PTPN14: variants seen among roughly 807,000 people sequenced by gnomAD.
PTPN14 encodes protein tyrosine phosphatase non-receptor type 14.
PTPN14 carries 53 observed loss-of-function variants against 126.8 expected under a neutral mutation model. That is an observed-to-expected ratio of 0.42 (90% CI 0.34 to 0.53). PTPN14 has a LOEUF of 0.53. Ranked by LOEUF, PTPN14 falls within the 20% of genes least tolerant of loss-of-function variation. PTPN14 has a pLI of 0.08. For missense variants in PTPN14, 1,257 were observed against 1,552.9 expected (o/e 0.81, Z 3.20); for synonymous variants, 630 against 599.3 (o/e 1.05, Z -0.75).
At chr1:214,521,798 A>G (rs1655263262) in intron 1 of PTPN14, among the ~76,000 whole-genome samples, 2 of 152,088 alleles carry the variant, frequency 1.3e-5, no homozygotes, top group South Asian at 4.1e-4. Flanking sequence ...GTAGGAAAAT[A>G]CGCAGTTAGG....
At chr1:214,526,246 G>A (rs374404437) in intron 1 of PTPN14, among the ~76,000 whole-genome samples, 34 of 152,252 alleles carry the variant, frequency 2.2e-4, no homozygotes, top group South Asian at 6.2e-4. Flanking sequence ...GATTACAGGC[G>A]TGAGCCACCA....
intron 1 of PTPN14, among the ~76,000 whole-genome samples, chr1:214,515,019 C>A (rs550672632): frequency 1.3e-5 from 2 of 152,254 alleles, no homozygotes; most frequent in East Asian, 1.9e-4. Context: ...CTGCCGTGAC[C>A]GAGCAGGACT....
At chr1:214,546,369 C>A (rs1241754972) in intron 1 of PTPN14, among the ~76,000 whole-genome samples, 2 of 152,122 alleles carry the variant, frequency 1.3e-5, no homozygotes. Context: ...AACAAATTAA[C>A]CCCCAGAGGT....
chr1:214,371,059 G>A (rs1455832684), intron 16 of PTPN14, among the ~76,000 whole-genome samples: 2 of 152,056 alleles, frequency 1.3e-5, no homozygotes, highest in Non-Finnish European at 2.9e-5. Flanking sequence ...TTTCTGCTGA[G>A]TGTCTAAATC....
intron 3 of PTPN14, among the ~76,000 whole-genome samples, chr1:214,421,672 C>T (rs17022892): frequency 0.012 from 1,859 of 152,234 alleles, 48 homozygotes; most frequent in African/African-American, 0.042. Flanking sequence ...AGGCTCTTCA[C>T]GATCCAGTCA....
intron 17 of PTPN14, among the ~76,000 whole-genome samples, chr1:214,368,541 A>G (rs1380572598): frequency 2.0e-5 from 3 of 152,150 alleles, no homozygotes; most frequent in South Asian, 2.1e-4. Flanking sequence ...AAAATGTGCT[A>G]AAGTGGACAC....
At chr1:214,452,655 G>A (rs553421414) in intron 2 of PTPN14, among the ~76,000 whole-genome samples, 6 of 152,276 alleles carry the variant, frequency 3.9e-5, no homozygotes, top group Admixed American at 1.3e-4. Flanking sequence ...TTTGTTAGAT[G>A]AAAGTGAGAT....
chr1:214,424,507 T>C (rs998134644), intron 3 of PTPN14, among the ~76,000 whole-genome samples: 5 of 151,560 alleles, frequency 3.3e-5, no homozygotes, highest in African/African-American at 7.3e-5. Context: ...GGTGAGACAA[T>C]TGAGTGGGAC....
At chr1:214,419,853 A>G (rs1406244536) in intron 3 of PTPN14, among the ~76,000 whole-genome samples, 1 of 152,168 alleles carries the variant, frequency 6.6e-6, no homozygotes, top group African/African-American at 2.4e-5. Context: ...GATAAAGGAC[A>G]GGGTGGCCCA....
chr1:214,421,738 C>T (rs1311658445), intron 3 of PTPN14, among the ~76,000 whole-genome samples: 6 of 152,142 alleles, frequency 3.9e-5, no homozygotes, highest in Admixed American at 3.9e-4. Flanking sequence ...CCTGAGCTGT[C>T]GTAAGTGTGC....
chr1:214,524,377 C>T (rs182721869), intron 1 of PTPN14, among the ~76,000 whole-genome samples: 9 of 151,516 alleles, frequency 5.9e-5, no homozygotes, highest in South Asian at 4.3e-4. Flanking sequence ...GAGGGCTGGG[C>T]GTGGTGGCTC....
chr1:214,538,161 A>G (rs1468904229), intron 1 of PTPN14, among the ~76,000 whole-genome samples: 1 of 152,166 alleles, frequency 6.6e-6, no homozygotes, highest in Non-Finnish European at 1.5e-5. Context: ...GAAAACATCA[A>G]AATGCATTTA....
chr1:214,517,478 G>A (rs1655131853), intron 1 of PTPN14, among the ~76,000 whole-genome samples: 3 of 136,706 alleles, frequency 2.2e-5, no homozygotes, highest in South Asian at 4.9e-4. Context: ...AATTTAATGA[G>A]CATAATATTA....
At chr1:214,431,368 G>A (rs1271282573) in intron 3 of PTPN14, among the ~76,000 whole-genome samples, 1 of 150,764 alleles carries the variant, frequency 6.6e-6, no homozygotes, top group Non-Finnish European at 1.5e-5. Flanking sequence ...AATGATGATA[G>A]TGTTAGGTAC....
In PTPN14 at chr1:214,384,149, G is replaced by T; in HGVS notation, c.1706C>A (p.Pro569His). 1.3e-6 allele frequency: 2 copies of T among 1,579,734 alleles called. No homozygotes were observed. The highest frequency in any genetic ancestry group is 1.7e-6 in the Non-Finnish European group (2 of 1,165,092). The change falls in exon 13 of 19, where the codon CCC (proline) becomes CAC (histidine). Residue 569 changes from proline (P) to histidine (H), a missense_variant. By Grantham distance (77) the Pro-to-His change is moderately conservative. Transcript: ENST00000366956. This position sits in a 1 kb window ranked among gnomAD's most constrained non-coding sequence, Gnocchi z 5.3. ...LKNYLFRPPPPYPRPRPATST... is the reference protein window; with the variant it reads ...LKNYLFRPPPHYPRPRPATST... Reference sequence around the variant, plus strand: ...GGTGGCAGGTCGTGGCCGTGGGTAGGGGGGCGGTGGCCTGAAGAGATAGTT... The same window carrying T: ...GGTGGCAGGTCGTGGCCGTGGGTAGTGGGGCGGTGGCCTGAAGAGATAGTT...
intron 10 of PTPN14, among the ~76,000 whole-genome samples, chr1:214,392,633 G>A (rs1309801343): frequency 6.6e-6 from 1 of 152,148 alleles, no homozygotes; most frequent in South Asian, 2.1e-4. Context: ...CGGCACATGC[G>A]AGAATGTGTC....
chr1:214,500,183 C>T (rs1450456175), intron 1 of PTPN14, among the ~76,000 whole-genome samples: 2 of 151,956 alleles, frequency 1.3e-5, no homozygotes, highest in Non-Finnish European at 2.9e-5. Context: ...AATATTCCCC[C>T]AAATATGTAA....
chr1:214,487,784 A>G (rs1471363397), intron 1 of PTPN14, among the ~76,000 whole-genome samples: 1 of 152,234 alleles, frequency 6.6e-6, no homozygotes, highest in Non-Finnish European at 1.5e-5. Flanking sequence ...AAGATGAAAG[A>G]TAAGCTGGCT....
intron 17 of PTPN14, 79 bp downstream of exon 17, chr1:214,369,378 A>G: frequency 3.6e-6 from 5 of 1,375,064 alleles, no homozygotes; most frequent in Non-Finnish European, 5.1e-6. Context: ...CTCTTTTTCC[A>G]TTTCATCTCC....
Sources: allele counts gnomAD v4.1 joint callset (sites outside exome capture counted in the v4.1 genomes callset), GRCh38; gene constraint gnomAD v4.1.1; non-coding constraint Gnocchi (gnomAD v3.1); transcripts MANE v1.5; gene names NCBI Gene and HGNC (gene_info 2026-07-23, HGNC 2026-07-21).